The following ADAMTS1 variants were observed in gnomAD, a reference collection of about 807,000 sequenced individuals.
ADAMTS1 encodes the protein ADAM metallopeptidase with thrombospondin type 1 motif 1, also known as A disintegrin and metalloproteinase with thrombospondin motifs 1.
Under a neutral mutation model 87.9 loss-of-function variants are expected in ADAMTS1, and 19 were observed. The observed-to-expected ratio is 0.22, with a 90% confidence interval of 0.15 to 0.32. The LOEUF is 0.32. Among genes scored for constraint, ADAMTS1 ranks in the 10% least tolerant of loss-of-function variants. ADAMTS1 has a pLI of 1.00. For missense variants in ADAMTS1, 1,240 were observed against 1,259.1 expected (o/e 0.98, Z 0.23); for synonymous variants, 542 against 501.8 (o/e 1.08, Z -1.07).
At chr21:26,840,865 T>C in intron 4 of ADAMTS1, 133 bp downstream of exon 4, 1 of 1,130,506 alleles carries the variant, frequency 8.8e-7, no homozygotes, top group Non-Finnish European at 1.2e-6. Flanking sequence ...TCTCAACAGT[T>C]AGGATCTTGA....
At chr21:26,843,653 C>T (rs1054897244) in intron 1 of ADAMTS1, 13 of 465,268 alleles carry the variant, frequency 2.8e-5, no homozygotes, top group Admixed American at 2.1e-4. Flanking sequence ...GGGGCCCCAC[C>T]GCCTTCAGCC....
chr21:26,841,697 A>C, intron 3 of ADAMTS1, 161 bp downstream of exon 3: 1 of 797,438 alleles, frequency 1.3e-6, no homozygotes. Context: ...TTACTTTAAT[A>C]AAAATGACCA....
At position 26,836,361 on chromosome 21, in the gene ADAMTS1, C is replaced by T. The variant is rs928943995; in HGVS notation, c.*1218G>A. 8.6e-5 allele frequency: 13 copies of T among 151,824 alleles called. No homozygotes were observed. Among genetic ancestry groups the T allele is most frequent in the Middle Eastern group, 3.4e-3 (1 of 294 alleles). The allele number at this position is 151,824 out of a possible 1,614,324, so 9.4% of individuals were successfully genotyped here. A position where few individuals can be genotyped will look rare whatever the true frequency, so the allele number is the denominator to read the frequency against. On this transcript the variant is annotated 3_prime_UTR_variant, in exon 9 of 9. Coordinates refer to ENST00000284984, the MANE Select transcript of ADAMTS1 (RefSeq NM_006988.5). Reference sequence around the variant, plus strand: ...TATTTTATATGCACTTCCACAAAAGCGATATAATTTAAAAGTTTTTTTCAT... The same window carrying T: ...TATTTTATATGCACTTCCACAAAAGTGATATAATTTAAAAGTTTTTTTCAT...
chr21:26,837,492 C>A lies in ADAMTS1; in HGVS notation c.*87G>T. 8.5e-7 allele frequency: 1 copy of A among 1,171,874 alleles called. No homozygotes were observed. 72.6% of individuals were successfully genotyped at this position (1,171,874 alleles called of 1,614,324 possible). ...CACCTCACTGGTTACTGGCAAGATACGCTGGATCCCTCCAGCCTTCTTGCT... is the reference window on the plus strand; with the variant it reads ...CACCTCACTGGTTACTGGCAAGATAAGCTGGATCCCTCCAGCCTTCTTGCT... On this transcript the variant is annotated 3_prime_UTR_variant, in exon 9 of 9. Transcript: ENST00000284984.
intron 7 of ADAMTS1, 92 bp from the exon 8 acceptor site, chr21:26,838,706 A>C (rs1985430197): frequency 3.1e-6 from 4 of 1,301,710 alleles, no homozygotes; most frequent in Admixed American, 4.5e-5. Context: ...TACTTTCCTG[A>C]CCATGCTAAT....
At chr21:26,838,337 C>T in intron 8 of ADAMTS1, 59 bp from the exon 9 acceptor site, 1 of 1,573,666 alleles carries the variant, frequency 6.4e-7, no homozygotes, top group Non-Finnish European at 8.6e-7. Context: ...GATTATTTAG[C>T]TTAAAAACAC....
At chr21:26,838,394 C>A in intron 8 of ADAMTS1, 45 bp downstream of exon 8, 3 of 1,606,602 alleles carry the variant, frequency 1.9e-6, no homozygotes, top group Non-Finnish European at 2.6e-6. Flanking sequence ...TGTTGAAAGG[C>A]CCATTTAAAT....
chr21:26,842,715 G>C (rs746994178), intron 1 of ADAMTS1, 30 bp from the exon 2 acceptor site: 2 of 1,582,118 alleles, frequency 1.3e-6, no homozygotes, highest in East Asian at 4.5e-5. Context: ...TTTGCTTATG[G>C]TCAGGCTGTC....
rs1985376581 is a variant in ADAMTS1, at chr21:26,836,947, T to C, written c.*632A>G. The C allele has an allele frequency of 6.6e-6, 1 of 152,330 alleles. No homozygotes were observed. Among genetic ancestry groups the C allele is most frequent in the African/African-American group, 2.4e-5 (1 of 41,442 alleles). The allele number at this position is 152,330 out of a possible 1,614,324, so 9.4% of individuals were successfully genotyped here. The stretch of plus-strand genomic sequence containing the variant: ...CAAAATGAATTACACAAATAAAGAC[T>C]GAGATGGTCCAAAAAAGGAAAGAGG... On this transcript the variant is annotated 3_prime_UTR_variant, in exon 9 of 9. Coordinates refer to ENST00000284984, the MANE Select transcript of ADAMTS1 (RefSeq NM_006988.5).
Position 26,841,881 on chromosome 21 carries a change from G to A in ADAMTS1, c.1187C>T (p.Ala396Val), listed in dbSNP as rs762418380. Residue 396 changes from alanine to valine, a missense_variant, in exon 3 of 9, where the codon GCC becomes GTC. Ala to Val is a moderately conservative substitution (Grantham distance 64). Around this residue, in one of 3 missense-constraint regions of ADAMTS1, gnomAD observed 317 missense variants for 410.3 expected, o/e 0.77. Coordinates refer to ENST00000284984, the MANE Select transcript of ADAMTS1 (RefSeq NM_006988.5). ...SVIEDDGLQA[A>V]FTTAHELGHV... ...ACCTAATTCATGGGCTGTGGTGAAG[G>A]CAGCTTGTAAACCATCATCTTCTAT... The A allele has an allele frequency of 4.1e-5, 66 of 1,613,584 alleles. No homozygotes were observed. Among genetic ancestry groups the A allele is most frequent in the Non-Finnish European group, 5.3e-5 (62 of 1,179,980 alleles).
In ADAMTS1 at chr21:26,840,156, A is replaced by C. The variant is rs1985461877; in HGVS notation, c.1666-95T>G. ...ACATGGGACAAAGAATCAGTTCTAA[A>C]AATAAGCTATCTCGCATTCCTGCTA... is the stretch of plus-strand genomic sequence containing the variant. On this transcript the variant is annotated intron_variant, in intron 5 of 8. Coordinates refer to ENST00000284984, the MANE Select transcript of ADAMTS1 (RefSeq NM_006988.5). 3 of 1,548,644 alleles carry C rather than the reference A, an allele frequency of 1.9e-6. No individual in the cohort carries two copies. The Admixed American group carries it at 5.7e-5, about 29-fold the overall frequency.
At position 26,840,189 on chromosome 21, in the gene ADAMTS1, C is replaced by T. The variant is rs969788942; in HGVS notation, c.1665+87G>A. ...TATCTCGCATTCCTGCTAGAGGACA[C>T]GGATGGGGATGTTTAACTTGGTATC... On this transcript the variant is annotated intron_variant, in intron 5 of 8. Transcript: ENST00000284984. The T allele has an allele frequency of 5.1e-5, 79 of 1,559,160 alleles. 1 individual carries two copies. Among genetic ancestry groups the T allele is most frequent in the African/African-American group, 2.0e-4 (15 of 73,842 alleles).
In ADAMTS1 at chr21:26,835,896, C is replaced by A. The variant is rs535095631; in HGVS notation, c.*1683G>T. 2.0e-5 allele frequency: 3 copies of A among 152,208 alleles called. No individual in the cohort carries two copies. The South Asian group carries it at 6.2e-4, about 32-fold the overall frequency. 9.4% of individuals were successfully genotyped at this position (152,208 alleles called of 1,614,324 possible). A position where few individuals can be genotyped will look rare whatever the true frequency, so the allele number is the denominator to read the frequency against. ...CCATTCACTTACTCATTCTTTATGGCTAGTTTTGTGCTACAACAGCACAGT... is the reference window on the plus strand; with the variant it reads ...CCATTCACTTACTCATTCTTTATGGATAGTTTTGTGCTACAACAGCACAGT... On this transcript the variant is annotated 3_prime_UTR_variant, in exon 9 of 9. Coordinates refer to ENST00000284984, the MANE Select transcript of ADAMTS1 (RefSeq NM_006988.5).
intron 2 of ADAMTS1, 36 bp from the exon 3 acceptor site, chr21:26,842,026 G>A (rs1037801988): frequency 2.5e-6 from 4 of 1,604,620 alleles, no homozygotes; most frequent in Non-Finnish European, 8.5e-7. Flanking sequence ...ATTAATAAGG[G>A]GAGCATGACC....
chr21:26,840,134 T>A (rs779919207), intron 5 of ADAMTS1, 73 bp from the exon 6 acceptor site: 196 of 1,554,602 alleles, frequency 1.3e-4, no homozygotes, highest in Non-Finnish European at 1.7e-4. Context: ...GAAAGCCACA[T>A]GGGACAAAGA....
Position 26,837,249 on chromosome 21 carries a change from T to C in ADAMTS1, c.*330A>G, listed in dbSNP as rs1449552932. The C allele has an allele frequency of 1.3e-5, 3 of 229,758 alleles. No homozygotes were observed. The highest frequency in any genetic ancestry group is 2.6e-5 in the Non-Finnish European group (3 of 116,124). 14.2% of individuals were successfully genotyped at this position (229,758 alleles called of 1,614,324 possible). A position where few individuals can be genotyped will look rare whatever the true frequency, so the allele number is the denominator to read the frequency against. On this transcript the variant is annotated 3_prime_UTR_variant, in exon 9 of 9. Coordinates refer to ENST00000284984, the MANE Select transcript of ADAMTS1 (RefSeq NM_006988.5). Reference sequence around the variant, plus strand: ...AAGTACCAGGAAACAGGGGTTGTAATAGTTCTAACTTTTTTTGACAATTGC... The same window carrying C: ...AAGTACCAGGAAACAGGGGTTGTAACAGTTCTAACTTTTTTTGACAATTGC...
intron 7 of ADAMTS1, 26 bp from the exon 8 acceptor site, chr21:26,838,640 T>C: frequency 6.2e-7 from 1 of 1,604,440 alleles, no homozygotes; most frequent in Non-Finnish European, 8.5e-7. Flanking sequence ...ATGTCTAGTG[T>C]TACATACAAG....
chr21:26,842,229 TA>T, intron 2 of ADAMTS1, 109 bp downstream of exon 2: 9 of 1,148,378 alleles, frequency 7.8e-6, no homozygotes, highest in East Asian at 5.1e-5. Context: ...GCTAGCCAAT[TA>T]AAAAAGGTTA....
intron 2 of ADAMTS1, 112 bp from the exon 3 acceptor site, chr21:26,842,102 T>G (rs1265978300): frequency 2.4e-6 from 3 of 1,272,330 alleles, no homozygotes; most frequent in Non-Finnish European, 3.2e-6. Flanking sequence ...ACATTCATTA[T>G]TGTTGACATA....
Sources: gnomAD v4.1 joint callset for allele counts on GRCh38, gnomAD v4.1.1 for gene constraint, gnomAD v4.1.1 regional missense constraint, MANE v1.5 for transcripts, NCBI Gene and HGNC (gene_info 2026-07-23, HGNC 2026-07-21) for gene names.